The following CTNNA3 variants were observed in gnomAD, a reference collection of about 807,000 sequenced individuals.
CTNNA3 encodes the protein catenin alpha-3.
In CTNNA3, 76 loss-of-function variants were observed where a neutral mutation model predicts 95.7. The observed-to-expected ratio is 0.79, with a 90% confidence interval of 0.66 to 0.96. The LOEUF is 0.96. Among genes scored for constraint, CTNNA3 ranks in the 40% least tolerant of loss-of-function variants. The probability of loss-of-function intolerance (pLI) is 0.00; values close to 1 mark genes in which losing one functional copy is unlikely to be tolerated. For synonymous variants in CTNNA3, 431 were observed against 374.4 expected (o/e 1.15, Z -1.74); for missense variants, 1,191 against 1,089.8 (o/e 1.09, Z -1.31).
At chr10:67,363,619 AATAAT>A (rs1295734262) in intron 5 of CTNNA3, among the ~76,000 whole-genome samples, 3 of 152,020 alleles carry the variant, frequency 2.0e-5, no homozygotes, top group African/African-American at 7.2e-5. Flanking sequence ...ATGCAATAAA[AATAAT>A]ATAATAATAA....
chr10:66,551,171 G>A (rs1175434836), intron 10 of CTNNA3, among the ~76,000 whole-genome samples: 1 of 151,966 alleles, frequency 6.6e-6, no homozygotes, highest in Non-Finnish European at 1.5e-5. Flanking sequence ...GGGCAGATCT[G>A]GAAGGTAATA....
chr10:66,655,591 T>G (rs928439765), intron 9 of CTNNA3, among the ~76,000 whole-genome samples: 3 of 152,034 alleles, frequency 2.0e-5, no homozygotes, highest in Non-Finnish European at 4.4e-5. Flanking sequence ...GAATGCAGTA[T>G]GATTAAAAGT....
chr10:66,234,381 A>T lies in CTNNA3; in HGVS notation c.1884+46089T>A, dbSNP rs373245723. 3.9e-5 allele frequency among the ~76,000 whole-genome samples: 6 copies of T among 152,316 alleles called. No homozygotes were observed. The East Asian group carries it at 1.2e-3, about 29-fold the overall frequency. On this transcript the variant is annotated intron_variant, in intron 13 of 17. Transcript: ENST00000433211. ...TCCTTAGAGTTGAAGATACACACAT[A>T]CACACAGACAAACACATTCACATAC...
intron 5 of CTNNA3, among the ~76,000 whole-genome samples, chr10:67,420,663 G>A (rs1244523389): frequency 6.6e-6 from 1 of 151,970 alleles, no homozygotes; most frequent in East Asian, 1.9e-4. Flanking sequence ...TTTTCTCAGA[G>A]CACAGAGTAT....
intron 12 of CTNNA3, among the ~76,000 whole-genome samples, chr10:66,305,423 C>T (rs1589058578): frequency 6.6e-6 from 1 of 152,020 alleles, no homozygotes; most frequent in Non-Finnish European, 1.5e-5. Flanking sequence ...AGCAGTCAAC[C>T]CTATTTTCTC....
At chr10:67,086,158 A>G (rs1394667354) in intron 7 of CTNNA3, among the ~76,000 whole-genome samples, 4 of 152,040 alleles carry the variant, frequency 2.6e-5, no homozygotes, top group Non-Finnish European at 4.4e-5. Flanking sequence ...AAGAAACAGT[A>G]TATTTTTTTT....
At chr10:67,661,601 G>C (rs2133526758) in intron 1 of CTNNA3, among the ~76,000 whole-genome samples, 1 of 152,204 alleles carries the variant, frequency 6.6e-6, no homozygotes, top group East Asian at 1.9e-4. Flanking sequence ...ACAAACCATA[G>C]ACGGGGACAA....
rs1193532138 is a variant in CTNNA3 at position 65,916,999 on chromosome 10, A to C, written c.*3331T>G. ...ATTGTATATTCACAATTTTAGCTTG[A>C]AATTGAAACCGACTGCCTTTGAAGC... On this transcript the variant is annotated 3_prime_UTR_variant, in exon 18 of 18. Transcript: ENST00000433211. The C allele has an allele frequency of 1.3e-5, 2 of 152,158 alleles. 1 individual carries two copies. Among genetic ancestry groups the C allele is most frequent in the South Asian group, 4.1e-4 (2 of 4,822 alleles). The allele number at this position is 152,158 out of a possible 1,614,324, so 9.4% of individuals were successfully genotyped here. A position where few individuals can be genotyped will look rare whatever the true frequency, so the allele number is the denominator to read the frequency against.
At position 66,926,785 on chromosome 10, in the gene CTNNA3, CAA is replaced by C. The variant is rs1434804018; in HGVS notation, c.1048-151263_1048-151262del. ...CACTAAAGACAATTCTCTTTAATTA[CAA>C]AGAGATAATATGTGATGTTAAGTGT... On this transcript the variant is annotated intron_variant, in intron 7 of 17. Transcript: ENST00000433211. The C allele has an allele frequency of 4.2e-5, 40 of 963,352 alleles. No individual in the cohort carries two copies. In the East Asian group the frequency reaches 9.8e-4, roughly 24 times the overall value. The allele number at this position is 963,352 out of a possible 1,614,324, so 59.7% of individuals were successfully genotyped here.
rs182873278 is a variant in CTNNA3, at chr10:67,057,740, G to A, written c.1047+122577C>T. 4.6e-5 allele frequency among the ~76,000 whole-genome samples: 7 copies of A among 152,136 alleles called. No individual in the cohort carries two copies. The East Asian group carries it at 1.4e-3, about 29-fold the overall frequency. On this transcript the variant is annotated intron_variant, in intron 7 of 17. Transcript: ENST00000433211. Reference sequence around the variant, plus strand: ...CATTTTACCACCACCACCACGATGAGCTTCTTCTTCACTCTCTCTCCCACT... The same window carrying A: ...CATTTTACCACCACCACCACGATGAACTTCTTCTTCACTCTCTCTCCCACT...
chr10:66,072,396 G>T (rs1235093575), intron 14 of CTNNA3, among the ~76,000 whole-genome samples: 1 of 152,026 alleles, frequency 6.6e-6, no homozygotes, highest in African/African-American at 2.4e-5. Context: ...TACTTTGTTT[G>T]TAACTCCTGA....
intron 11 of CTNNA3, among the ~76,000 whole-genome samples, chr10:66,441,029 A>C (rs1180293535): frequency 1.3e-5 from 2 of 152,148 alleles, no homozygotes; most frequent in African/African-American, 4.8e-5. Context: ...GGCACAAAAA[A>C]CAGAGTAATT....
chr10:66,248,990 A>G (rs2090444462), intron 13 of CTNNA3, among the ~76,000 whole-genome samples: 1 of 152,192 alleles, frequency 6.6e-6, no homozygotes, highest in African/African-American at 2.4e-5. Flanking sequence ...ACCCAGAAAC[A>G]AATCCATAAA....
chr10:67,166,989 C>G (rs967657834), intron 7 of CTNNA3, among the ~76,000 whole-genome samples: 6 of 152,124 alleles, frequency 3.9e-5, no homozygotes, highest in African/African-American at 1.4e-4. Flanking sequence ...TGCCTGTAGT[C>G]CCAGCTACTC....
At chr10:66,961,575 T>A (rs1485611979) in intron 7 of CTNNA3, among the ~76,000 whole-genome samples, 3 of 152,080 alleles carry the variant, frequency 2.0e-5, no homozygotes, top group Non-Finnish European at 4.4e-5. Flanking sequence ...GACCTTCTCT[T>A]TTGTGTGTAA....
chr10:66,858,636 T>C (rs1349069667), intron 7 of CTNNA3, among the ~76,000 whole-genome samples: 1 of 152,040 alleles, frequency 6.6e-6, no homozygotes, highest in Admixed American at 6.6e-5. Context: ...CTTAGGAGTT[T>C]CTATGTTTCC....
At chr10:67,584,852 G>A (rs1260767393) in intron 3 of CTNNA3, among the ~76,000 whole-genome samples, 1 of 152,248 alleles carries the variant, frequency 6.6e-6, no homozygotes, top group African/African-American at 2.4e-5. Flanking sequence ...CCATGGGCAT[G>A]GGACCCTGTG....
chr10:67,124,375 G>GTGTGTGTGTGT (rs1564907325), intron 7 of CTNNA3, among the ~76,000 whole-genome samples: 3 of 122,878 alleles, frequency 2.4e-5, no homozygotes, highest in African/African-American at 9.2e-5. Context: ...TGTGTGTGTG[G>GTGTGTGTGTGT]TCTATAAATG....
chr10:67,554,003 TAC>T (rs1841133886), intron 3 of CTNNA3, among the ~76,000 whole-genome samples: 1 of 152,190 alleles, frequency 6.6e-6, no homozygotes, highest in South Asian at 2.1e-4. Context: ...AGTGAGAACA[TAC>T]AGTGTTTGGT....
Sources: gnomAD v4.1 joint callset for allele counts (sites outside exome capture counted in the v4.1 genomes callset) on GRCh38, gnomAD v4.1.1 for gene constraint, MANE v1.5 for transcripts, NCBI Gene and HGNC (gene_info 2026-07-23, HGNC 2026-07-21) for gene names.